GPHN: variants seen among roughly 807,000 people sequenced by gnomAD.
GPHN encodes the protein gephyrin.
GPHN carries 17 observed loss-of-function variants against 95.5 expected under a neutral mutation model. The observed-to-expected ratio is 0.18, with a 90% CI of 0.12 to 0.27. The LOEUF (loss-of-function observed/expected upper bound fraction) is 0.27. Among genes scored for constraint, GPHN ranks in the 10% least tolerant of loss-of-function variants. The pLI is 1.00. For synonymous variants in GPHN, 320 were observed against 322.5 expected, an observed-to-expected ratio of 0.99 and a Z score of 0.08; for missense variants, 660 against 978.1, an observed-to-expected ratio of 0.67 and a Z score of 4.34.
the GPHN span, among the ~76,000 whole-genome samples, chr14:67,572,998 C>G: frequency 2.1e-4 from 32 of 152,298 alleles, no homozygotes; most frequent in African/African-American, 7.2e-4. Flanking sequence ...CCTGGCCAGG[C>G]TCTCCCTCTA....
At chr14:66,986,668 C>T (rs1349581958) in intron 9 of GPHN, among the ~76,000 whole-genome samples, 3 of 152,062 alleles carry the variant, frequency 2.0e-5, no homozygotes, top group Non-Finnish European at 4.4e-5. Flanking sequence ...ATATCTCAAT[C>T]TCATTTGCCC....
chr14:67,524,619 T>C, the GPHN span, among the ~76,000 whole-genome samples: 3 of 152,196 alleles, frequency 2.0e-5, no homozygotes, highest in African/African-American at 7.2e-5. Flanking sequence ...TCATTTCTCT[T>C]GAAAGTTGCG....
chr14:67,664,305 T>C, the GPHN span, among the ~76,000 whole-genome samples: 594 of 152,290 alleles, frequency 3.9e-3, 4 homozygotes, highest in African/African-American at 0.014. Context: ...ATTCTATGAA[T>C]TTCACTACTC....
At chr14:66,530,809 A>G (rs7148134) in intron 1 of GPHN, among the ~76,000 whole-genome samples, 47,187 of 151,620 alleles carry the variant, frequency 0.31, 11,162 homozygotes, top group African/African-American at 0.64. Flanking sequence ...ACCAGTCCCA[A>G]TGAGATGAGC....
chr14:67,125,926 C>A (rs987806257), intron 17 of GPHN, among the ~76,000 whole-genome samples: 1 of 152,076 alleles, frequency 6.6e-6, no homozygotes, highest in Non-Finnish European at 1.5e-5. Context: ...TTATTCTTAT[C>A]ACCTGCCATA....
the GPHN span, among the ~76,000 whole-genome samples, chr14:67,489,114 A>G: frequency 6.6e-6 from 1 of 152,198 alleles, no homozygotes; most frequent in Non-Finnish European, 1.5e-5. Context: ...CCTTATAGCA[A>G]CTAACATATG....
chr14:66,622,324 C>T (rs2063344227), intron 1 of GPHN, among the ~76,000 whole-genome samples: 2 of 152,098 alleles, frequency 1.3e-5, no homozygotes, highest in African/African-American at 4.8e-5. Flanking sequence ...GGACCCTTGG[C>T]CCGGCCCACA....
the GPHN span, chr14:67,359,869 T>G: frequency 1.4e-6 from 1 of 710,886 alleles, no homozygotes; most frequent in Non-Finnish European, 2.3e-6. Context: ...CGCTTCCGGT[T>G]GTCACAGGCG....
intron 3 of GPHN, among the ~76,000 whole-genome samples, chr14:66,784,634 A>G (rs2059710326): frequency 6.6e-6 from 1 of 152,214 alleles, no homozygotes; most frequent in African/African-American, 2.4e-5. Flanking sequence ...TCTGTATTTC[A>G]CTTGGAATGA....
the GPHN span, among the ~76,000 whole-genome samples, chr14:67,584,728 A>G: frequency 6.6e-6 from 1 of 152,362 alleles, no homozygotes; most frequent in Non-Finnish European, 1.5e-5. Context: ...TGAGGTTATA[A>G]GAAGTGAGAA....
chr14:67,444,203 A>T, the GPHN span, among the ~76,000 whole-genome samples: 1 of 152,172 alleles, frequency 6.6e-6, no homozygotes, highest in Non-Finnish European at 1.5e-5. Context: ...CTGTGCCCCG[A>T]CCACCTTGAG....
chr14:67,360,380 G>C, the GPHN span: 3,378 of 396,372 alleles, frequency 8.5e-3, 17 homozygotes, highest in Non-Finnish European at 0.011. Context: ...CGGCCGGTGA[G>C]GGGGAAGCAA....
At chr14:67,633,316 T>C in the GPHN span, among the ~76,000 whole-genome samples, 1 of 152,202 alleles carries the variant, frequency 6.6e-6, no homozygotes, top group African/African-American at 2.4e-5. Flanking sequence ...TCTAGGTCAT[T>C]TGTCTGCAGA....
chr14:67,240,447 G>A, the GPHN span, among the ~76,000 whole-genome samples: 2 of 152,212 alleles, frequency 1.3e-5, no homozygotes, highest in Admixed American at 1.3e-4. Flanking sequence ...GGAGGACTGT[G>A]CCCCTGGGGG....
intron 9 of GPHN, among the ~76,000 whole-genome samples, chr14:66,972,016 G>A (rs541847199): frequency 3.3e-5 from 5 of 151,836 alleles, no homozygotes; most frequent in African/African-American, 4.8e-5. Flanking sequence ...ATCTGTAATC[G>A]TAGCACTTTG....
intron 9 of GPHN, among the ~76,000 whole-genome samples, chr14:66,987,385 G>A (rs546625617): frequency 2.0e-5 from 3 of 152,174 alleles, no homozygotes; most frequent in South Asian, 2.1e-4. Context: ...GTGCGAGTGC[G>A]CGTGCGTGCA....
intron 16 of GPHN, 130 bp from the exon 17 acceptor site, chr14:67,122,126 C>G (rs2079043442): frequency 2.4e-6 from 2 of 826,250 alleles, no homozygotes; most frequent in South Asian, 2.9e-5. Flanking sequence ...TTTGGGCATT[C>G]ACCTTCAAAA....
At chr14:66,517,429 T>C (rs1594791011) in intron 1 of GPHN, among the ~76,000 whole-genome samples, 1 of 151,732 alleles carries the variant, frequency 6.6e-6, no homozygotes, top group East Asian at 1.9e-4. Context: ...TTCACAGAAA[T>C]AGGGAAAAAA....
the GPHN span, among the ~76,000 whole-genome samples, chr14:67,277,956 T>C: frequency 6.6e-6 from 1 of 152,152 alleles, no homozygotes; most frequent in Non-Finnish European, 1.5e-5. Flanking sequence ...ACAGTATGAC[T>C]CTCAAAAGTT....
Sources: allele counts gnomAD v4.1 joint callset (sites outside exome capture counted in the v4.1 genomes callset), GRCh38; gene constraint gnomAD v4.1.1; transcripts MANE v1.5; gene names NCBI Gene and HGNC (gene_info 2026-07-23, HGNC 2026-07-21).